TMEM116: variants seen among roughly 807,000 people sequenced by gnomAD.
TMEM116 encodes transmembrane protein 116.
TMEM116 carries 38 observed loss-of-function variants against 44.3 expected under a neutral mutation model. That is an observed-to-expected ratio of 0.86 (90% CI 0.66 to 1.12). The LOEUF (loss-of-function observed/expected upper bound fraction) is 1.12, where lower values mean the gene tolerates loss of function less well. TMEM116 is among the 50% of genes most tolerant of loss of function. TMEM116 has a pLI of 0.00. For missense variants in TMEM116, 354 were observed against 401.7 expected (o/e 0.88, Z 1.01); for synonymous variants, 132 against 144.8 (o/e 0.91, Z 0.64).
chr12:111,935,028 T>C lies in TMEM116; in HGVS notation c.589-998A>G, dbSNP rs540636106. The C allele has an allele frequency of 3.3e-5, 5 of 152,334 alleles. No homozygotes were observed. The East Asian group carries it at 9.6e-4, about 29-fold the overall frequency. The allele number at this position is 152,334 out of a possible 1,614,324, so 9.4% of individuals were successfully genotyped here. The stretch of plus-strand genomic sequence containing the variant: ...ATGTACATAGTCTCTTTTCCCTACA[T>C]AAGCATCAAAAGGAGACTTGAGTTT... On this transcript the variant is annotated intron_variant, in intron 8 of 10. Coordinates refer to ENST00000552374, the MANE Select transcript of TMEM116 (RefSeq NM_001193531.2).
At position 111,968,664 on chromosome 12, in the gene TMEM116, T is replaced by C. The variant is rs80328871; in HGVS notation, c.210+23094A>G. Among the ~76,000 whole-genome samples, 911 of 152,312 alleles carry C rather than the reference T, an allele frequency of 6.0e-3. 11 individuals carry two copies. The highest frequency in any genetic ancestry group is 0.02 in the African/African-American group (843 of 41,564). On this transcript the variant is annotated intron_variant, in intron 4 of 10. Transcript: ENST00000552374. ...GTCATCATAACTACATTCTATCTTT[T>C]CAGTAAGTTGAGACATTGGAGAAAT...
At chr12:111,976,579 A>G (rs946206037) in intron 4 of TMEM116, among the ~76,000 whole-genome samples, 4 of 152,192 alleles carry the variant, frequency 2.6e-5, no homozygotes, top group African/African-American at 9.7e-5. Flanking sequence ...TCAACAAAAA[A>G]TTACAGGGCA....
chr12:111,932,080 C>G (rs934590665), intron 10 of TMEM116, among the ~76,000 whole-genome samples: 1 of 152,028 alleles, frequency 6.6e-6, no homozygotes, highest in Admixed American at 6.6e-5. Flanking sequence ...CAGTGCCCCC[C>G]CTTATTGCCT....
chr12:111,992,038 G>A, intron 3 of TMEM116, 149 bp from the exon 4 acceptor site: 1 of 765,496 alleles, frequency 1.3e-6, no homozygotes, highest in Non-Finnish European at 2.0e-6. Context: ...GCAATGCAAG[G>A]GAAGACTACA....
At chr12:111,978,698 GA>G in intron 4 of TMEM116, 2 of 393,920 alleles carry the variant, frequency 5.1e-6, no homozygotes, top group Non-Finnish European at 1.0e-5. Context: ...GATACAACAA[GA>G]AAATAGCCAT....
intron 4 of TMEM116, among the ~76,000 whole-genome samples, chr12:111,985,251 T>C (rs1418933950): frequency 2.7e-5 from 4 of 150,140 alleles, no homozygotes; most frequent in Non-Finnish European, 5.9e-5. Context: ...GATAACACGA[T>C]CTTATATGTA....
chr12:111,992,253 C>A (rs1334067275), intron 3 of TMEM116, among the ~76,000 whole-genome samples: 1 of 151,158 alleles, frequency 6.6e-6, no homozygotes, highest in Non-Finnish European at 1.5e-5. Flanking sequence ...TTTAGTGGCA[C>A]AGGCAACATC....
chr12:111,972,326 G>C (rs961272161), intron 4 of TMEM116, among the ~76,000 whole-genome samples: 2 of 151,956 alleles, frequency 1.3e-5, no homozygotes, highest in African/African-American at 4.8e-5. Flanking sequence ...TAATAAAAGA[G>C]ATTCAAAATA....
intron 4 of TMEM116, among the ~76,000 whole-genome samples, chr12:111,958,144 G>A (rs1021852866): frequency 3.1e-4 from 47 of 151,782 alleles, no homozygotes; most frequent in Admixed American, 5.2e-4. Context: ...TGCGGAAGGC[G>A]GCAGGGCCCT....
In TMEM116 at chr12:111,933,939, A is replaced by G. The variant is rs2071893447; in HGVS notation, c.680T>C (p.Val227Ala). The G allele has an allele frequency of 6.2e-7, 1 of 1,614,206 alleles. No individual in the cohort carries two copies. Among genetic ancestry groups the G allele is most frequent in the Non-Finnish European group, 8.5e-7 (1 of 1,180,038 alleles). The change falls in exon 9 of 11, where the codon GTG becomes GCG. Residue 227 changes from valine to alanine, a missense_variant. Physicochemically the swap from Val to Ala is moderately conservative, Grantham distance 64. Coordinates refer to ENST00000552374, the MANE Select transcript of TMEM116 (RefSeq NM_001193531.2). ...GSEQWAVIHI[V>A]DQRVRFYPVA... is the part of the protein sequence containing the mutation. ...TGGGTAGAAGCGCACCCGTTGGTCC[A>G]CAATGTGAATCACTGCCCACTGTTC...
intron 5 of TMEM116, among the ~76,000 whole-genome samples, chr12:111,940,529 A>ATATATATATACACACACATATATATGTG (rs1230033138): frequency 0.035 from 4,195 of 118,560 alleles, 157 homozygotes; most frequent in East Asian, 0.24. Flanking sequence ...ATGTGTATAT[A>ATATATATATACACACACATATATATGTG]TATATATATA....
chr12:111,939,057 C>G (rs976107501), intron 5 of TMEM116, among the ~76,000 whole-genome samples: 2 of 152,052 alleles, frequency 1.3e-5, no homozygotes, highest in African/African-American at 2.4e-5. Flanking sequence ...TTTGTGACCC[C>G]TCCCACTCAC....
chr12:111,999,483 C>A (rs2136684365), intron 3 of TMEM116, among the ~76,000 whole-genome samples: 1 of 151,994 alleles, frequency 6.6e-6, no homozygotes, highest in Non-Finnish European at 1.5e-5. Context: ...GTAATCCCAG[C>A]TACTCGGGAG....
chr12:111,970,434 A>G (rs1016633769), intron 4 of TMEM116, among the ~76,000 whole-genome samples: 1 of 152,188 alleles, frequency 6.6e-6, no homozygotes, highest in Non-Finnish European at 1.5e-5. Context: ...GGTAGGAATG[A>G]GAAAAATATT....
In TMEM116 at chr12:111,964,773, G is replaced by A. The variant is rs536718151; in HGVS notation, c.211-21404C>T. Among the ~76,000 whole-genome samples the A allele has an allele frequency of 1.1e-4, 16 of 152,202 alleles. No homozygotes were observed. The South Asian group carries it at 1.5e-3, about 14-fold the overall frequency. On this transcript the variant is annotated intron_variant, in intron 4 of 10. Coordinates refer to ENST00000552374, the MANE Select transcript of TMEM116 (RefSeq NM_001193531.2). Reference sequence around the variant, plus strand: ...TGTGATCGCAACTCACTGTAGCCGCGACCTCCTAGGTGCAAGTGATCCTCT... The same window carrying A: ...TGTGATCGCAACTCACTGTAGCCGCAACCTCCTAGGTGCAAGTGATCCTCT...
At chr12:111,997,853 G>A (rs1200088404) in intron 3 of TMEM116, among the ~76,000 whole-genome samples, 2 of 152,198 alleles carry the variant, frequency 1.3e-5, no homozygotes, top group Admixed American at 1.3e-4. Context: ...ATAAATATCA[G>A]CTATTATGTT....
In TMEM116 at chr12:111,931,555, C is replaced by T; in HGVS notation, c.*66G>A. On this transcript the variant is annotated 3_prime_UTR_variant, in exon 11 of 11. Coordinates refer to ENST00000552374, the MANE Select transcript of TMEM116 (RefSeq NM_001193531.2). ...TAGAAAAGATTTAAGATGTCCTTTC[C>T]CAACATTCTTTCCAATCCATTAGCG... 2 of 1,499,318 alleles carry T rather than the reference C, an allele frequency of 1.3e-6. No individual in the cohort carries two copies. The highest frequency in any genetic ancestry group is 4.5e-5 in the East Asian group (2 of 44,238). 92.9% of individuals were successfully genotyped at this position (1,499,318 alleles called of 1,614,324 possible). A position where few individuals can be genotyped will look rare whatever the true frequency, so the allele number is the denominator to read the frequency against.
chr12:112,004,591 T>C (rs1350265069), intron 2 of TMEM116, among the ~76,000 whole-genome samples: 2 of 152,064 alleles, frequency 1.3e-5, no homozygotes, highest in African/African-American at 4.8e-5. Flanking sequence ...CCAGCCAATA[T>C]TTTTAAACAA....
At chr12:111,963,810 T>A (rs771548454) in intron 4 of TMEM116, among the ~76,000 whole-genome samples, 1 of 152,138 alleles carries the variant, frequency 6.6e-6, no homozygotes, top group Non-Finnish European at 1.5e-5. Context: ...GAACTTAAAG[T>A]ATTTTTTTTA....
Sources: gnomAD v4.1 joint callset for allele counts (sites outside exome capture counted in the v4.1 genomes callset) on GRCh38, gnomAD v4.1.1 for gene constraint, MANE v1.5 for transcripts, NCBI Gene and HGNC (gene_info 2026-07-23, HGNC 2026-07-21) for gene names.